SNX29: variants seen among roughly 807,000 people sequenced by gnomAD.
SNX29 encodes sorting nexin 29.
A neutral mutation model predicts 102.1 loss-of-function variants in SNX29; 78 were observed. The observed-to-expected ratio is 0.76, with a 90% CI of 0.64 to 0.92. The LOEUF (loss-of-function observed/expected upper bound fraction) is 0.92. Ranked by LOEUF, SNX29 falls within the 40% of genes least tolerant of loss-of-function variation. SNX29 has a pLI of 0.00. For missense variants in SNX29, 1,280 were observed against 1,061.7 expected, an observed-to-expected ratio of 1.21 and a Z score of -2.86; for synonymous variants, 580 against 414.5, an observed-to-expected ratio of 1.40 and a Z score of -4.85.
chr16:12,367,692 G>A (rs1171803807), intron 16 of SNX29, among the ~76,000 whole-genome samples: 2 of 152,228 alleles, frequency 1.3e-5, no homozygotes, highest in African/African-American at 2.4e-5. Context: ...GGCACTTGCC[G>A]CATAGCTAAT....
intron 19 of SNX29, among the ~76,000 whole-genome samples, chr16:12,503,496 A>G (rs1320537304): frequency 3.3e-5 from 5 of 152,176 alleles, no homozygotes; most frequent in Admixed American, 6.5e-5. Context: ...GACCAGAACA[A>G]TAAGTGGGGG....
intron 18 of SNX29, among the ~76,000 whole-genome samples, chr16:12,411,504 A>G (rs749076095): frequency 6.6e-6 from 1 of 152,236 alleles, no homozygotes; most frequent in Non-Finnish European, 1.5e-5. Flanking sequence ...TGCTGGACAT[A>G]TGTGTCACTG....
chr16:11,992,816 G>A (rs1025645268), intron 1 of SNX29, among the ~76,000 whole-genome samples: 28 of 152,254 alleles, frequency 1.8e-4, no homozygotes, highest in Middle Eastern at 3.4e-3. Context: ...GAAATGTCTA[G>A]CATGACGTCA....
At chr16:12,521,099 G>A (rs1020607823) in intron 19 of SNX29, among the ~76,000 whole-genome samples, 1 of 152,148 alleles carries the variant, frequency 6.6e-6, no homozygotes. Flanking sequence ...AGGACTGCTT[G>A]AACCTGGGAG....
intron 15 of SNX29, among the ~76,000 whole-genome samples, chr16:12,341,461 CAT>C (rs1273128672): frequency 5.3e-5 from 8 of 152,224 alleles, no homozygotes; most frequent in African/African-American, 1.7e-4. Context: ...CAAGTTGACA[CAT>C]GTCAGAATAG....
intron 13 of SNX29, among the ~76,000 whole-genome samples, chr16:12,181,244 C>T (rs1484236956): frequency 6.6e-6 from 1 of 152,226 alleles, no homozygotes; most frequent in African/African-American, 2.4e-5. Flanking sequence ...TGAGGGCGTG[C>T]CCATGACACA....
At chr16:12,383,532 G>T (rs2151438586) in intron 16 of SNX29, among the ~76,000 whole-genome samples, 1 of 152,022 alleles carries the variant, frequency 6.6e-6, no homozygotes, top group Non-Finnish European at 1.5e-5. Flanking sequence ...TGCCTCCTGG[G>T]TTCAAGCGAT....
intron 20 of SNX29, among the ~76,000 whole-genome samples, chr16:12,534,876 C>T (rs1344362840): frequency 1.3e-5 from 2 of 152,160 alleles, no homozygotes; most frequent in African/African-American, 4.8e-5. Flanking sequence ...GGGGACAGTG[C>T]CACGAGAATC....
At chr16:12,020,275 A>C (rs997282574) in intron 3 of SNX29, among the ~76,000 whole-genome samples, 19 of 152,102 alleles carry the variant, frequency 1.2e-4, no homozygotes, top group Non-Finnish European at 1.9e-4. Context: ...GGCATGCGCA[A>C]CCACACCCAG....
chr16:12,163,117 G>A (rs2055859457), intron 13 of SNX29, among the ~76,000 whole-genome samples: 1 of 152,158 alleles, frequency 6.6e-6, no homozygotes, highest in Admixed American at 6.5e-5. Flanking sequence ...CCTGACCTCA[G>A]GTGATACGCC....
intron 19 of SNX29, among the ~76,000 whole-genome samples, chr16:12,479,273 C>G (rs540987664): frequency 6.6e-6 from 1 of 152,350 alleles, no homozygotes; most frequent in South Asian, 2.1e-4. Flanking sequence ...GGGCGAATCC[C>G]TAGTTTCTGT....
intron 18 of SNX29, among the ~76,000 whole-genome samples, chr16:12,418,931 TTA>T (rs1208505875): frequency 6.6e-6 from 1 of 152,194 alleles, no homozygotes; most frequent in Non-Finnish European, 1.5e-5. Context: ...GGAGCGGCAG[TTA>T]TACATCTGCC....
At chr16:12,188,710 GGA>G (rs1451602053) in intron 13 of SNX29, among the ~76,000 whole-genome samples, 4 of 152,146 alleles carry the variant, frequency 2.6e-5, no homozygotes, top group Non-Finnish European at 4.4e-5. Flanking sequence ...TGGTTACGGG[GGA>G]GAGAGCACTA....
chr16:12,234,042 A>G (rs1355806336), intron 14 of SNX29, among the ~76,000 whole-genome samples: 1 of 152,182 alleles, frequency 6.6e-6, no homozygotes, highest in African/African-American at 2.4e-5. Context: ...TGGCTGTGAT[A>G]AATAATGTTG....
At chr16:12,401,025 G>A (rs886121062) in intron 17 of SNX29, among the ~76,000 whole-genome samples, 3 of 152,070 alleles carry the variant, frequency 2.0e-5, no homozygotes, top group Non-Finnish European at 4.4e-5. Context: ...TAGAGACAGG[G>A]TTTCACCATG....
chr16:12,472,708 C>G (rs531276088), intron 18 of SNX29, among the ~76,000 whole-genome samples: 1 of 152,174 alleles, frequency 6.6e-6, no homozygotes, highest in South Asian at 2.1e-4. Flanking sequence ...CTTATCTCTA[C>G]TAGAGCTTGT....
At chr16:12,433,630 C>CAA (rs1235730528) in intron 18 of SNX29, among the ~76,000 whole-genome samples, 1,852 of 55,146 alleles carry the variant, frequency 0.034, 35 homozygotes, top group Non-Finnish European at 0.046. Flanking sequence ...GACTGCGTCT[C>CAA]AAAAAAAAAA....
intron 15 of SNX29, among the ~76,000 whole-genome samples, chr16:12,306,578 C>G (rs984008612): frequency 6.6e-6 from 1 of 152,138 alleles, no homozygotes; most frequent in Non-Finnish European, 1.5e-5. Context: ...CCTTTGAATA[C>G]GTGTTTCGCT....
Position 12,573,695 on chromosome 16 carries a change from T to C in SNX29, c.*5066T>C, listed in dbSNP as rs776971932. 18 of 223,328 alleles carry C rather than the reference T, an allele frequency of 8.1e-5. No individual in the cohort carries two copies. The highest frequency in any genetic ancestry group is 1.8e-4 in the African/African-American group (8 of 44,748). 13.8% of individuals were successfully genotyped at this position (223,328 alleles called of 1,614,324 possible). A position where few individuals can be genotyped will look rare whatever the true frequency, so the allele number is the denominator to read the frequency against. On this transcript the variant is annotated 3_prime_UTR_variant, in exon 21 of 21. Coordinates refer to ENST00000566228, the MANE Select transcript of SNX29 (RefSeq NM_032167.5). ...AAGACAGAGGATGCCCTTGCAAAAA[T>C]TGGGACTGAGGACAGTAGCACACGG...
Sources: allele counts gnomAD v4.1 joint callset (sites outside exome capture counted in the v4.1 genomes callset), GRCh38; gene constraint gnomAD v4.1.1; transcripts MANE v1.5; gene names NCBI Gene and HGNC (gene_info 2026-07-23, HGNC 2026-07-21).